Variants in ITPR2 observed in about 807,000 individuals in gnomAD.
ITPR2 encodes inositol 1,4,5-trisphosphate receptor type 2.
ITPR2 carries 207 observed loss-of-function variants against 317.1 expected under a neutral mutation model. The observed-to-expected ratio is 0.65, with a 90% CI of 0.58 to 0.73. The LOEUF is 0.73. ITPR2 is among the 30% of genes least tolerant of loss of function. ITPR2 has a pLI of 0.00. For synonymous variants in ITPR2, 1,156 were observed against 1,149.1 expected, an observed-to-expected ratio of 1.01 and a Z score of -0.12; for missense variants, 2,613 against 3,284.0, an observed-to-expected ratio of 0.80 and a Z score of 4.99.
At chr12:26,670,083 G>A (rs563239929) in intron 13 of ITPR2, among the ~76,000 whole-genome samples, 44 of 152,358 alleles carry the variant, frequency 2.9e-4, no homozygotes, top group Non-Finnish European at 5.6e-4. Flanking sequence ...GCTCAAGGAG[G>A]CCTGCCTGCC....
intron 55 of ITPR2, among the ~76,000 whole-genome samples, chr12:26,342,019 G>C (rs1938129581): frequency 6.6e-6 from 1 of 152,214 alleles, no homozygotes; most frequent in Non-Finnish European, 1.5e-5. Context: ...TAGGCATGTG[G>C]GGGAAGAGCA....
chr12:26,571,852 T>A (rs1945168926), intron 34 of ITPR2, among the ~76,000 whole-genome samples: 1 of 152,260 alleles, frequency 6.6e-6, no homozygotes, highest in Non-Finnish European at 1.5e-5. Context: ...TGCTGATTTT[T>A]ACTACCTTTT....
intron 48 of ITPR2, among the ~76,000 whole-genome samples, chr12:26,432,738 A>G (rs1223643963): frequency 6.6e-6 from 1 of 151,620 alleles, no homozygotes; most frequent in African/African-American, 2.4e-5. Flanking sequence ...TTCTTATTTT[A>G]TTCTATAGGA....
Position 26,816,659 on chromosome 12 carries a change from T to C in ITPR2, c.92+16031A>G, listed in dbSNP as rs536395910. Among the ~76,000 whole-genome samples the C allele has an allele frequency of 2.6e-5, 4 of 152,182 alleles. No homozygotes were observed. The East Asian group carries it at 5.8e-4, about 22-fold the overall frequency. ...AAACATAATCCAATATTCACAAAAA[T>C]AGAAGCAAAATTAAAACTATAATTG... is the stretch of plus-strand genomic sequence containing the variant. On this transcript the variant is annotated intron_variant, in intron 1 of 56. Coordinates refer to ENST00000381340, the MANE Select transcript of ITPR2 (RefSeq NM_002223.4).
At chr12:26,794,800 G>A (rs1252680732) in intron 1 of ITPR2, among the ~76,000 whole-genome samples, 1 of 152,156 alleles carries the variant, frequency 6.6e-6, no homozygotes, top group African/African-American at 2.4e-5. Context: ...ATGATATGGT[G>A]GAGATGACAG....
chr12:26,623,505 T>C (rs1157906131), intron 24 of ITPR2: 4 of 152,206 alleles, frequency 2.6e-5, no homozygotes, highest in Non-Finnish European at 5.9e-5. Context: ...AATCTCTTAG[T>C]ATGCCTAATT....
chr12:26,658,082 G>A lies in ITPR2; in HGVS notation c.1935C>T (p.Ile645=). The change falls in exon 17 of 57, where the codon ATC becomes ATT. Residue 645 remains isoleucine (I), a synonymous_variant. Coordinates refer to ENST00000381340, the MANE Select transcript of ITPR2 (RefSeq NM_002223.4). ...SDLCVSNTTA[I]PVTQELICKF... ...TACAGATGAGTTCTTGAGTTACAGGGATAGCAGTGGTATTAGACACACACA... is the reference window on the plus strand; with the variant it reads ...TACAGATGAGTTCTTGAGTTACAGGAATAGCAGTGGTATTAGACACACACA... The A allele has an allele frequency of 1.9e-6, 3 of 1,612,074 alleles. No individual in the cohort carries two copies. Among genetic ancestry groups the A allele is most frequent in the Non-Finnish European group, 2.5e-6 (3 of 1,178,834 alleles).
At chr12:26,375,140 T>C (rs921942970) in intron 55 of ITPR2, among the ~76,000 whole-genome samples, 2 of 152,216 alleles carry the variant, frequency 1.3e-5, no homozygotes, top group African/African-American at 4.8e-5. Flanking sequence ...CTAAGTAAAA[T>C]GTATCAGTCC....
chr12:26,722,681 G>A (rs1948857480), intron 4 of ITPR2, 126 bp from the exon 5 acceptor site: 1 of 658,258 alleles, frequency 1.5e-6, no homozygotes, highest in South Asian at 3.0e-5. Context: ...AAACAAAGGA[G>A]TATTTTCAGC....
At chr12:26,615,080 G>A (rs1015971296) in intron 26 of ITPR2, among the ~76,000 whole-genome samples, 3 of 152,154 alleles carry the variant, frequency 2.0e-5, no homozygotes, top group African/African-American at 7.2e-5. Flanking sequence ...TGCTTTCTGT[G>A]TAATTTTTCT....
At position 26,451,457 on chromosome 12, in the gene ITPR2, G is replaced by T. The variant is rs377009646; in HGVS notation, c.6343-7807C>A. 5.9e-4 allele frequency among the ~76,000 whole-genome samples: 89 copies of T among 151,196 alleles called. No individual in the cohort carries two copies. In the Middle Eastern group the frequency reaches 0.014, roughly 23 times the overall value. ...CCCTCCCCAGCAGTACTGAAGGAGC[G>T]ACCCTAGAATGCCACCAGCATCACT... On this transcript the variant is annotated intron_variant, in intron 45 of 56. Transcript: ENST00000381340.
chr12:26,391,555 C>CTTTTTTTTTTTTTTTTTTTTT lies in ITPR2; in HGVS notation c.7697-3962_7697-3961insAAAAAAAAAAAAAAAAAAAAA, dbSNP rs1491173931. On this transcript the variant is annotated intron_variant, in intron 54 of 56. Coordinates refer to ENST00000381340, the MANE Select transcript of ITPR2 (RefSeq NM_002223.4). Reference sequence around the variant, plus strand: ...AGCTTCTTCTTCTTCTTCTTCTTTTCCTTTTTTTTTTTTTTTTTTTTTTTT... The same window carrying CTTTTTTTTTTTTTTTTTTTTT: ...AGCTTCTTCTTCTTCTTCTTCTTTTCTTTTTTTTTTTTTTTTTTTTTCTTTTTTTTTTTTTTTTTTTTTTTT... Among the ~76,000 whole-genome samples, 80 of 70,858 alleles carry CTTTTTTTTTTTTTTTTTTTTT rather than the reference C, an allele frequency of 1.1e-3. 19 individuals carry two copies. Among genetic ancestry groups the CTTTTTTTTTTTTTTTTTTTTT allele is most frequent in the African/African-American group, 1.2e-3 (22 of 18,638 alleles). The allele number at this position is 70,858 out of a possible 152,430, so 46.5% of individuals were successfully genotyped here.
intron 55 of ITPR2, among the ~76,000 whole-genome samples, chr12:26,369,908 C>T (rs916282360): frequency 3.3e-5 from 5 of 152,080 alleles, no homozygotes; most frequent in African/African-American, 1.2e-4. Flanking sequence ...GTAATGAAAC[C>T]CCTGTGAAAA....
At chr12:26,629,164 C>A (rs2136826751) in intron 22 of ITPR2, among the ~76,000 whole-genome samples, 1 of 152,242 alleles carries the variant, frequency 6.6e-6, no homozygotes, top group Non-Finnish European at 1.5e-5. Context: ...CTCCTACGCC[C>A]CTTCTCTCAT....
At chr12:26,621,384 C>T in intron 25 of ITPR2, 88 bp from the exon 26 acceptor site, 1 of 993,472 alleles carries the variant, frequency 1.0e-6, no homozygotes, top group Non-Finnish European at 1.5e-6. Context: ...CCATGAAAAC[C>T]TACCTAGAAG....
chr12:26,455,165 C>T lies in ITPR2; in HGVS notation c.6343-11515G>A, dbSNP rs192668864. Among the ~76,000 whole-genome samples, 15 of 151,642 alleles carry T rather than the reference C, an allele frequency of 9.9e-5. No individual in the cohort carries two copies. In the East Asian group the frequency reaches 1.7e-3, roughly 18 times the overall value. On this transcript the variant is annotated intron_variant, in intron 45 of 56. Transcript: ENST00000381340. ...TGCGCAAATTAGCCAGATGTAAAAT[C>T]GGGGGTGGAATATGAAGAGTTGAGA...
At chr12:26,730,456 T>C (rs994484645) in intron 2 of ITPR2, among the ~76,000 whole-genome samples, 15 of 152,074 alleles carry the variant, frequency 9.9e-5, no homozygotes, top group Non-Finnish European at 2.2e-4. Context: ...CTAACAACAA[T>C]CTCTTCAACA....
chr12:26,487,053 CA>C lies in ITPR2; in HGVS notation c.5554+14del, dbSNP rs1401317339. 1 of 1,606,464 alleles carries C rather than the reference CA, an allele frequency of 6.2e-7. No individual in the cohort carries two copies. The highest frequency in any genetic ancestry group is 2.2e-5 in the East Asian group (1 of 44,798). The stretch of plus-strand genomic sequence containing the variant: ...CTCTCACTCTGTTCTCCCAAATACT[CA>C]AATACTTCTTTACCTCTCATTCGTG... On this transcript the variant is annotated intron_variant, in intron 40 of 56. Coordinates refer to ENST00000381340, the MANE Select transcript of ITPR2 (RefSeq NM_002223.4).
chr12:26,435,792 T>C (rs1941336790), intron 48 of ITPR2, among the ~76,000 whole-genome samples: 1 of 152,166 alleles, frequency 6.6e-6, no homozygotes, highest in Non-Finnish European at 1.5e-5. Flanking sequence ...AATTAAAAAT[T>C]ATTTCTAGAT....
Sources: gnomAD v4.1 joint callset for allele counts (sites outside exome capture counted in the v4.1 genomes callset) on GRCh38, gnomAD v4.1.1 for gene constraint, MANE v1.5 for transcripts, NCBI Gene and HGNC (gene_info 2026-07-23, HGNC 2026-07-21) for gene names.